The following POFUT2 variants were observed in gnomAD, a reference collection of about 807,000 sequenced individuals.
The protein encoded by POFUT2 is protein O-fucosyltransferase 2.
A neutral mutation model predicts 55.0 loss-of-function variants in POFUT2; 30 were observed. That is an observed-to-expected ratio of 0.55 (90% confidence interval 0.41 to 0.74). The LOEUF (loss-of-function observed/expected upper bound fraction) is 0.74, where lower values mean the gene tolerates loss of function less well. POFUT2 is among the 30% of genes least tolerant of loss of function. The pLI is 0.00. For synonymous variants in POFUT2, 267 were observed against 231.1 expected, an observed-to-expected ratio of 1.16 and a Z score of -1.41; for missense variants, 524 against 562.6, an observed-to-expected ratio of 0.93 and a Z score of 0.69.
chr21:45,287,505 C>T (rs1452471256), intron 1 of POFUT2, among the ~76,000 whole-genome samples: 1 of 97,552 alleles, frequency 1.0e-5, no homozygotes, highest in Non-Finnish European at 2.1e-5. Context: ...GAACCCTGAC[C>T]CCATCCCATT....
At position 45,277,152 on chromosome 21, in the gene POFUT2, C is replaced by T. The variant is rs764960710; in HGVS notation, c.706-10G>A. The stretch of plus-strand genomic sequence containing the variant: ...CCATGCTGCGACGGGTCTGTGGAAA[C>T]GGCGACGGCTCGGCTGAGAACACGC... On this transcript the variant is annotated splice_polypyrimidine_tract_variant and intron_variant, in intron 5 of 8. Transcript: ENST00000349485. This position sits in a 1 kb window ranked among gnomAD's most constrained non-coding sequence, Gnocchi z 6.9. 38 of 1,611,416 alleles carry T rather than the reference C, an allele frequency of 2.4e-5. No individual in the cohort carries two copies. Among genetic ancestry groups the T allele is most frequent in the African/African-American group, 5.3e-5 (4 of 74,920 alleles).
Position 45,267,021 on chromosome 21 carries a change from A to G in POFUT2, c.1136+569T>C. On this transcript the variant is annotated intron_variant, in intron 8 of 8. Transcript: ENST00000349485. The surrounding 1 kb of genome is among the most constrained non-coding windows in gnomAD (Gnocchi z 4.4). ...AGGGCCCACGCTCCCGGCCTCTGGG[A>G]CGCTCACGGCAGCCCCACGAGAATG... is the stretch of plus-strand genomic sequence containing the variant. 9.5e-7 allele frequency: 1 copy of G among 1,056,190 alleles called. No individual in the cohort carries two copies. The highest frequency in any genetic ancestry group is 5.0e-5 in the Admixed American group (1 of 19,818). 65.4% of individuals were successfully genotyped at this position (1,056,190 alleles called of 1,614,324 possible).
intron 1 of POFUT2, 65 bp downstream of exon 1, chr21:45,287,676 C>CCAACCAAACA: frequency 4.2e-6 from 5 of 1,181,496 alleles, no homozygotes; most frequent in Non-Finnish European, 5.5e-6. Flanking sequence ...GCCCCGCCCC[C>CCAACCAAACA]ATCCCATCCT....
intron 6 of POFUT2, among the ~76,000 whole-genome samples, chr21:45,274,124 A>C (rs754316616): frequency 6.6e-6 from 1 of 152,224 alleles, no homozygotes; most frequent in African/African-American, 2.4e-5. Flanking sequence ...AAGTTTCAGG[A>C]CACAAAATCA....
intron 4 of POFUT2, among the ~76,000 whole-genome samples, 199 bp from the exon 5 acceptor site, chr21:45,278,368 G>A (rs909567184): frequency 6.6e-6 from 1 of 152,218 alleles, no homozygotes; most frequent in Non-Finnish European, 1.5e-5. Flanking sequence ...ACGGTTCTGA[G>A]AGGGCTTTAA....
At chr21:45,287,676 C>CCAACCAAACACAG in intron 1 of POFUT2, 65 bp downstream of exon 1, 26 of 1,181,496 alleles carry the variant, frequency 2.2e-5, no homozygotes, top group African/African-American at 3.2e-5. Flanking sequence ...GCCCCGCCCC[C>CCAACCAAACACAG]ATCCCATCCT....
intron 6 of POFUT2, among the ~76,000 whole-genome samples, chr21:45,275,080 G>GA (rs1220985047): frequency 6.6e-6 from 1 of 152,086 alleles, no homozygotes; most frequent in Non-Finnish European, 1.5e-5. Context: ...AGATCAGCAT[G>GA]AAAAAACAAA....
Position 45,287,832 on chromosome 21 carries a change from C to A in POFUT2, c.40G>T (p.Val14Leu). 6.8e-7 allele frequency: 1 copy of A among 1,466,400 alleles called. No individual in the cohort carries two copies. The highest frequency in any genetic ancestry group is 2.7e-5 in the East Asian group (1 of 36,424). 90.8% of individuals were successfully genotyped at this position (1,466,400 alleles called of 1,614,324 possible). ...LSFVFLLLGA[V>L]SWPPASASGQ... is the part of the protein sequence containing the mutation. ...GAGGCAGAAGCCGGAGGCCAGGACA[C>A]TGCCCCCAGCAGCAGGAAGACGAAG... Residue 14 changes from valine to leucine, a missense_variant, in exon 1 of 9, where the codon GTG becomes TTG. Physicochemically the swap from Val to Leu is conservative, Grantham distance 32. Transcript: ENST00000349485.
intron 1 of POFUT2, among the ~76,000 whole-genome samples, chr21:45,286,632 T>A (rs2031437629): frequency 6.6e-6 from 1 of 152,214 alleles, no homozygotes; most frequent in African/African-American, 2.4e-5. Context: ...GGACACACTT[T>A]AAGATCACTG....
chr21:45,278,847 G>A (rs1201505708), intron 4 of POFUT2, among the ~76,000 whole-genome samples: 1 of 152,140 alleles, frequency 6.6e-6, no homozygotes, highest in Non-Finnish European at 1.5e-5. Context: ...CTCCTCCTCA[G>A]TGCCTTCCTT....
rs116713802 is a variant in POFUT2 at position 45,267,627 on chromosome 21, C to T, written c.1099G>A (p.Val367Ile). The T allele has an allele frequency of 1.8e-3, 2,857 of 1,614,226 alleles. 39 individuals are homozygous for T. In the African/African-American group the frequency reaches 0.03, roughly 17 times the overall value. The change falls in exon 8 of 9, where the codon GTT becomes ATT. Residue 367 changes from valine to isoleucine, a missense_variant. Physicochemically the swap from Val to Ile is conservative, Grantham distance 29. Transcript: ENST00000349485. This position sits in a 1 kb window ranked among gnomAD's most constrained non-coding sequence, Gnocchi z 4.4. Reference sequence around the variant, plus strand: ...CAGATCCACTGGTCAATAATCGCAACGCCTCCGTCCTTGTAGAGCTCCAGC... The same window carrying T: ...CAGATCCACTGGTCAATAATCGCAATGCCTCCGTCCTTGTAGAGCTCCAGC... ...EELELYKDGG[V>I]AIIDQWICAH...
intron 8 of POFUT2, chr21:45,266,395 A>AG: frequency 8.4e-7 from 1 of 1,195,362 alleles, no homozygotes; most frequent in Non-Finnish European, 1.1e-6. Context: ...CTGCCAGAGC[A>AG]GGCCGCGCCG....
chr21:45,269,449 ATTC>A (rs1325421296), intron 7 of POFUT2, among the ~76,000 whole-genome samples: 2 of 152,028 alleles, frequency 1.3e-5, no homozygotes, highest in African/African-American at 4.8e-5. Flanking sequence ...ACTAAGAAAA[ATTC>A]TTCTGCCTTG....
Position 45,267,580 on chromosome 21 carries a change from G to A in POFUT2, c.1136+10C>T. On this transcript the variant is annotated intron_variant, in intron 8 of 8. Coordinates refer to ENST00000349485, the MANE Select transcript of POFUT2 (RefSeq NM_133635.6). The surrounding 1 kb of genome is among the most constrained non-coding windows in gnomAD (Gnocchi z 4.4). ...ACCCGCTCTCGGCCGACAGTGACGT[G>A]GGCAGGCACCTGGCGTGTGCGCAGA... 6.2e-7 allele frequency: 1 copy of A among 1,614,156 alleles called. No individual in the cohort carries two copies. The highest frequency in any genetic ancestry group is 8.5e-7 in the Non-Finnish European group (1 of 1,180,034).
chr21:45,266,091 C>T (rs2093151297), intron 8 of POFUT2: 3 of 1,323,358 alleles, frequency 2.3e-6, no homozygotes, highest in Non-Finnish European at 3.0e-6. Context: ...GAGGTCAAGG[C>T]CCCCTCCACA....
intron 3 of POFUT2, 67 bp downstream of exon 3, chr21:45,283,316 G>GA: frequency 1.2e-6 from 1 of 817,192 alleles, no homozygotes; most frequent in South Asian, 1.8e-5. Context: ...GGCGGGGGGG[G>GA]GGGGACGCAT....
Position 45,284,335 on chromosome 21 carries a change from G to C in POFUT2, c.383-808C>G, listed in dbSNP as rs1434604772. Among the ~76,000 whole-genome samples, 3 of 152,216 alleles carry C rather than the reference G, an allele frequency of 2.0e-5. No homozygotes were observed. Among genetic ancestry groups the C allele is most frequent in the Non-Finnish European group, 4.4e-5 (3 of 68,040 alleles). Reference sequence around the variant, plus strand: ...TAAGGGCTGCGTGGCCTAAGGGCCTGAGGCCACAGCTGCGGGGGCTTCTTT... The same window carrying C: ...TAAGGGCTGCGTGGCCTAAGGGCCTCAGGCCACAGCTGCGGGGGCTTCTTT... On this transcript the variant is annotated intron_variant, in intron 2 of 8. Coordinates refer to ENST00000349485, the MANE Select transcript of POFUT2 (RefSeq NM_133635.6). The surrounding 1 kb of genome is among the most constrained non-coding windows in gnomAD (Gnocchi z 5.8).
At chr21:45,273,898 C>G (rs2093240404) in intron 6 of POFUT2, among the ~76,000 whole-genome samples, 1 of 152,162 alleles carries the variant, frequency 6.6e-6, no homozygotes, top group South Asian at 2.1e-4. Flanking sequence ...ACCCTGAGAA[C>G]TGGAGCAAGA....
intron 6 of POFUT2, among the ~76,000 whole-genome samples, chr21:45,276,081 C>T (rs1424882748): frequency 2.0e-5 from 3 of 151,980 alleles, no homozygotes; most frequent in Non-Finnish European, 4.4e-5. Flanking sequence ...CCCAGCTACT[C>T]GGGAGGCTGA....
Sources: gnomAD v4.1 joint callset for allele counts (sites outside exome capture counted in the v4.1 genomes callset) on GRCh38, gnomAD v4.1.1 for gene constraint, Gnocchi (gnomAD v3.1) non-coding constraint, MANE v1.5 for transcripts, NCBI Gene and HGNC (gene_info 2026-07-23, HGNC 2026-07-21) for gene names.